Variants in CLMP observed in about 807,000 individuals in gnomAD.
CLMP encodes the protein CXADR-like membrane protein.
CLMP carries 27 observed loss-of-function variants against 45.2 expected under a neutral mutation model. That is an observed-to-expected ratio of 0.60 (90% CI 0.44 to 0.82). The LOEUF (loss-of-function observed/expected upper bound fraction) is 0.82, where lower values mean the gene tolerates loss of function less well. Ranked by LOEUF, CLMP falls within the 40% of genes least tolerant of loss-of-function variation. CLMP has a pLI of 0.00. For missense variants in CLMP, 403 were observed against 448.4 expected (o/e 0.90, Z 0.91); for synonymous variants, 167 against 171.4 (o/e 0.97, Z 0.20).
chr11:123,098,511 A>G (rs931950089), intron 1 of CLMP, among the ~76,000 whole-genome samples: 4 of 151,900 alleles, frequency 2.6e-5, no homozygotes, highest in African/African-American at 9.7e-5. Flanking sequence ...TATAAGCATG[A>G]GCCACTGTGC....
chr11:123,106,460 T>C (rs1455744663), intron 1 of CLMP, among the ~76,000 whole-genome samples: 1 of 151,450 alleles, frequency 6.6e-6, no homozygotes, highest in Non-Finnish European at 1.5e-5. Context: ...CCTTCCAGAT[T>C]GTTTATGGAA....
At position 123,073,730 on chromosome 11, in the gene CLMP, G is replaced by A. The variant is rs151226212; in HGVS notation, c.866C>T (p.Ser289Phe). The A allele has an allele frequency of 2.7e-5, 44 of 1,611,478 alleles. No homozygotes were observed. The highest frequency in any genetic ancestry group is 1.3e-4 in the Admixed American group (8 of 59,486). Residue 289 changes from serine (S) to phenylalanine (F), a missense_variant, in exon 7 of 7, where the codon TCC becomes TTC. Physicochemically the swap from Ser to Phe is radical, Grantham distance 155. Transcript: ENST00000448775. The stretch of plus-strand genomic sequence containing the variant: ...TGAGCTCCGAGAGCCTGAGGAAGAG[G>A]AGCTGGGTTTCACAAGACGGGCTTT... ...APKARLVKPSSSSSGSRSSRS... is the reference protein window; with the variant it reads ...APKARLVKPSFSSSGSRSSRS...
At chr11:123,108,723 T>C (rs1212638723) in intron 1 of CLMP, among the ~76,000 whole-genome samples, 1 of 151,950 alleles carries the variant, frequency 6.6e-6, no homozygotes, top group Non-Finnish European at 1.5e-5. Context: ...TGGAAGATAG[T>C]TGGAGAAGTT....
At chr11:123,088,946 G>A (rs775538392) in intron 2 of CLMP, among the ~76,000 whole-genome samples, 20 of 152,070 alleles carry the variant, frequency 1.3e-4, no homozygotes, top group Non-Finnish European at 2.5e-4. Flanking sequence ...TAGTATTTGG[G>A]TTAGCATCCA....
At chr11:123,124,781 A>G (rs1413619535) in intron 1 of CLMP, among the ~76,000 whole-genome samples, 3 of 152,252 alleles carry the variant, frequency 2.0e-5, no homozygotes, top group South Asian at 2.1e-4. Context: ...AGAAACATAT[A>G]GCATTCTAAA....
At chr11:123,190,251 T>C (rs1861891417) in intron 1 of CLMP, among the ~76,000 whole-genome samples, 1 of 152,190 alleles carries the variant, frequency 6.6e-6, no homozygotes, top group Admixed American at 6.5e-5. Context: ...GGATGGAGAT[T>C]ACTACTGTTT....
At chr11:123,193,326 T>C (rs1258996043) in intron 1 of CLMP, among the ~76,000 whole-genome samples, 1 of 152,238 alleles carries the variant, frequency 6.6e-6, no homozygotes, top group Non-Finnish European at 1.5e-5. Context: ...AACAAACGAA[T>C]TACCAAGATA....
chr11:123,087,404 G>A (rs1865878123), intron 2 of CLMP, among the ~76,000 whole-genome samples: 1 of 152,112 alleles, frequency 6.6e-6, no homozygotes, highest in African/African-American at 2.4e-5. Context: ...AGCTACTCAG[G>A]AGGCTGAGGC....
chr11:123,152,550 AT>A (rs1861351974), intron 1 of CLMP, among the ~76,000 whole-genome samples: 1 of 150,876 alleles, frequency 6.6e-6, no homozygotes, highest in Non-Finnish European at 1.5e-5. Context: ...AAATAAATAA[AT>A]AAATAAATAA....
At chr11:123,130,409 CA>C (rs55951831) in intron 1 of CLMP, among the ~76,000 whole-genome samples, 7,575 of 151,932 alleles carry the variant, frequency 0.05, 330 homozygotes, top group African/African-American at 0.12. Context: ...CAGGGTTCGG[CA>C]AAATTAAAAA....
At chr11:123,163,542 C>T (rs529744137) in intron 1 of CLMP, among the ~76,000 whole-genome samples, 57 of 152,264 alleles carry the variant, frequency 3.7e-4, no homozygotes, top group African/African-American at 1.3e-3. Flanking sequence ...GCCTGGGGAC[C>T]AGCAGCAGTA....
At position 123,150,565 on chromosome 11, in the gene CLMP, GAAGGAAGGAAGGAAGGA is replaced by G. The variant is rs1200831670; in HGVS notation, c.28+44331_28+44347del. Among the ~76,000 whole-genome samples the G allele has an allele frequency of 1.7e-4, 20 of 118,994 alleles. 1 individual carries two copies. The highest frequency in any genetic ancestry group is 4.9e-4 in the African/African-American group (13 of 26,336). The allele number at this position is 118,994 out of a possible 152,430, so 78.1% of individuals were successfully genotyped here. On this transcript the variant is annotated intron_variant, in intron 1 of 6. Coordinates refer to ENST00000448775, the MANE Select transcript of CLMP (RefSeq NM_024769.5). ...CAAGGAAGGAAGGAAGGAAGGAAAG[GAAGGAAGGAAGGAAGGA>G]AAGGAAGGAAGGAAGGAAGGAATGA...
chr11:123,091,017 G>T (rs1264823038), intron 2 of CLMP, among the ~76,000 whole-genome samples: 1 of 152,176 alleles, frequency 6.6e-6, no homozygotes, highest in Non-Finnish European at 1.5e-5. Flanking sequence ...ATTAAACTGC[G>T]AGGGTCCCAG....
intron 1 of CLMP, among the ~76,000 whole-genome samples, chr11:123,143,638 G>A (rs1260417703): frequency 6.6e-6 from 1 of 152,176 alleles, no homozygotes; most frequent in African/African-American, 2.4e-5. Context: ...CGTGAGTGAT[G>A]AGGGTGGAAG....
intron 1 of CLMP, among the ~76,000 whole-genome samples, chr11:123,186,594 A>G (rs1410395377): frequency 1.3e-5 from 2 of 150,552 alleles, no homozygotes; most frequent in Non-Finnish European, 3.0e-5. Flanking sequence ...ATCTCAACTC[A>G]CTGCTGCAAT....
intron 1 of CLMP, among the ~76,000 whole-genome samples, chr11:123,114,753 G>C (rs1860697218): frequency 6.6e-6 from 1 of 151,994 alleles, no homozygotes; most frequent in Admixed American, 6.6e-5. Context: ...CAAAGCATTG[G>C]TACTTGATTT....
At chr11:123,145,540 GC>G (rs1861226715) in intron 1 of CLMP, among the ~76,000 whole-genome samples, 1 of 143,494 alleles carries the variant, frequency 7.0e-6, no homozygotes, top group African/African-American at 2.5e-5. Context: ...TGGACTCAAT[GC>G]AACCTCCGCC....
intron 1 of CLMP, among the ~76,000 whole-genome samples, chr11:123,108,519 G>A (rs909023567): frequency 2.6e-5 from 4 of 152,062 alleles, no homozygotes; most frequent in Admixed American, 2.0e-4. Context: ...CAGGGGGGCC[G>A]GATATTGAGC....
Position 123,091,072 on chromosome 11 carries a change from CTTCT to C in CLMP, c.187-6363_187-6360del, listed in dbSNP as rs532210019. On this transcript the variant is annotated intron_variant, in intron 2 of 6. Transcript: ENST00000448775. ...CTGTGGTACTGGAGTGATTCTTTTC[CTTCT>C]TTCTTTCTCTCTCTCTCTCTTTCTT... Among the ~76,000 whole-genome samples the C allele has an allele frequency of 2.2e-3, 327 of 152,010 alleles. 1 individual carries two copies. The highest frequency in any genetic ancestry group is 7.5e-3 in the African/African-American group (313 of 41,462).
Sources: allele counts gnomAD v4.1 joint callset (sites outside exome capture counted in the v4.1 genomes callset), GRCh38; gene constraint gnomAD v4.1.1; transcripts MANE v1.5; gene names NCBI Gene and HGNC (gene_info 2026-07-23, HGNC 2026-07-21).